Variants in MUC5B observed in about 807,000 individuals in gnomAD.
MUC5B encodes the protein mucin 5B, oligomeric mucus/gel-forming, also known as mucin-5B.
MUC5B carries 116 observed loss-of-function variants against 376.9 expected under a neutral mutation model. The ratio of observed to expected loss-of-function variants is 0.31; its 90% CI spans 0.26 to 0.36. MUC5B has a LOEUF of 0.36. MUC5B is among the 10% of genes least tolerant of loss of function. MUC5B has a pLI of 1.00. For missense variants in MUC5B, 7,165 were observed against 7,769.9 expected (o/e 0.92, Z 2.93); for synonymous variants, 3,517 against 3,390.9 (o/e 1.04, Z -1.29).
rs780671376 is a variant in MUC5B, at chr11:1,250,013, C to G, written c.13133C>G (p.Ser4378Cys). The G allele has an allele frequency of 6.2e-7, 1 of 1,612,456 alleles. No individual in the cohort carries two copies. Among genetic ancestry groups the G allele is most frequent in the South Asian group, 1.1e-5 (1 of 91,042 alleles). The change falls in exon 31 of 49, where the codon TCC (serine) becomes TGC (cysteine). Residue 4378 changes from serine to cysteine, a missense_variant. Physicochemically the swap from Ser to Cys is moderately radical, Grantham distance 112 (BLOSUM62 -1). Coordinates refer to ENST00000529681, the MANE Select transcript of MUC5B (RefSeq NM_002458.3). ...GCCACCACGACAAGGGCCACCAGTT[C>G]CACGTCCACCCCCTCCTCCACTCCG... is the stretch of plus-strand genomic sequence containing the variant. ...TKATTTRATS[S>C]TSTPSSTPGT...
chr11:1,240,936 C>T lies in MUC5B; in HGVS notation c.4056C>T (p.Gly1352=). The change falls in exon 31 of 49, where the codon GGC becomes GGT. Residue 1352 remains glycine, a synonymous_variant. Coordinates refer to ENST00000529681, the MANE Select transcript of MUC5B (RefSeq NM_002458.3). ...SWYNGHRPEP[G]LGGGDFETFE... ...ACAATGGGCACCGCCCAGAGCCCGG[C>T]CTGGGAGGCGGAGACTTTGAGACGT... 1 of 1,613,196 alleles carries T rather than the reference C, an allele frequency of 6.2e-7. No individual in the cohort carries two copies. The highest frequency in any genetic ancestry group is 1.1e-5 in the South Asian group (1 of 91,092).
chr11:1,233,369 T>C lies in MUC5B; in HGVS notation c.2321+101T>C, dbSNP rs2672806. On this transcript the variant is annotated intron_variant, in intron 18 of 48. Coordinates refer to ENST00000529681, the MANE Select transcript of MUC5B (RefSeq NM_002458.3). ...GCCTCCCCCCGAGGGTTCTGAGACA[T>C]GAGGGGCCAGGCTGGGGAGAGTGGG... The C allele has an allele frequency of 0.51, 674,944 of 1,314,940 alleles. 174,916 individuals are homozygous for C. Among genetic ancestry groups the C allele is most frequent in the East Asian group, 0.7 (27,556 of 39,308 alleles). 81.5% of individuals were successfully genotyped at this position (1,314,940 alleles called of 1,614,324 possible). A position where few individuals can be genotyped will look rare whatever the true frequency, so the allele number is the denominator to read the frequency against.
At position 1,229,172 on chromosome 11, in the gene MUC5B, C is replaced by T. The variant is rs559336328; in HGVS notation, c.979C>T (p.Arg327Trp). 1.8e-5 allele frequency: 29 copies of T among 1,591,224 alleles called. No homozygotes were observed. The highest frequency in any genetic ancestry group is 4.5e-5 in the East Asian group (2 of 44,062). The change falls in exon 9 of 49, where the codon CGG (arginine) becomes TGG (tryptophan). Residue 327 changes from arginine to tryptophan, a missense_variant and splice_region_variant. Coordinates refer to ENST00000529681, the MANE Select transcript of MUC5B (RefSeq NM_002458.3). ...CAGCCCCACCTCCTTTTGCGCAGCC[C>T]GGACCTGCCCCCTCAACATGCAGCA... ...RNWRCPELCP[R>W]TCPLNMQHQE...
At chr11:1,240,787 T>C in intron 30 of MUC5B, 64 bp from the exon 31 acceptor site, 8 of 1,463,996 alleles carry the variant, frequency 5.5e-6, no homozygotes, top group Non-Finnish European at 7.3e-6. Flanking sequence ...CTGGGGCCCC[T>C]CCACCTTGTG....
At position 1,245,743 on chromosome 11, in the gene MUC5B, A is replaced by G. The variant is rs766041697; in HGVS notation, c.8863A>G (p.Met2955Val). The G allele has an allele frequency of 6.2e-7, 1 of 1,610,588 alleles. No individual in the cohort carries two copies. Among genetic ancestry groups the G allele is most frequent in the Non-Finnish European group, 8.5e-7 (1 of 1,179,302 alleles). The change falls in exon 31 of 49, where the codon ATG becomes GTG. Residue 2955 changes from methionine to valine, a missense_variant. Physicochemically the swap from Met to Val is conservative, Grantham distance 21 (BLOSUM62 1). This residue lies in a region of MUC5B where 57 missense variants were observed against 167.2 expected (regional missense o/e 0.34). Coordinates refer to ENST00000529681, the MANE Select transcript of MUC5B (RefSeq NM_002458.3). ...RNREQVGKFK[M>V]CFNYEIRVFC... ...CCGTGAGCAGGTGGGGAAGTTCAAG[A>G]TGTGCTTCAACTATGAAATCCGTGT...
At chr11:1,256,348 A>T (rs55908339) in intron 38 of MUC5B, 123 bp downstream of exon 38, 1 of 633,392 alleles carries the variant, frequency 1.6e-6, no homozygotes, top group Non-Finnish European at 2.8e-6. Context: ...GCCCGAGCCC[A>T]GGACTCCTTG....
chr11:1,252,458 G>C lies in MUC5B; in HGVS notation c.14979G>C (p.Val4993=). 6.2e-7 allele frequency: 1 copy of C among 1,609,126 alleles called. No homozygotes were observed. Among genetic ancestry groups the C allele is most frequent in the Non-Finnish European group, 8.5e-7 (1 of 1,177,964 alleles). The change falls in exon 32 of 49, where the codon GTG becomes GTC. Residue 4993 remains valine (V), a synonymous_variant. Transcript: ENST00000529681. ...CCTGTCCCACCTCCCCACCGCCAGT[G>C]TCCTCCGCCCCGCTGTCCTCGCCCT... ...QGACPTSPPP[V]SSAPLSSPSP... is the part of the protein sequence containing the mutation.
rs764191603 is a variant in MUC5B, at chr11:1,244,722, G to A, written c.7842G>A (p.Thr2614=). ...HTTKVLTTTT[T]GFTATPSSSP... ...CCAAAGTGCTGACTACCACAACCAC[G>A]GGCTTCACAGCCACCCCCTCCTCCA... The change falls in exon 31 of 49, where the codon ACG becomes ACA. Residue 2614 remains threonine (T), a synonymous_variant. Transcript: ENST00000529681. 4 of 1,607,008 alleles carry A rather than the reference G, an allele frequency of 2.5e-6. No individual in the cohort carries two copies. The highest frequency in any genetic ancestry group is 2.2e-5 in the East Asian group (1 of 44,604).
In MUC5B at chr11:1,244,580, C is replaced by A. The variant is rs746798331; in HGVS notation, c.7700C>A (p.Pro2567His). 2 of 1,613,490 alleles carry A rather than the reference C, an allele frequency of 1.2e-6. No individual in the cohort carries two copies. Among genetic ancestry groups the A allele is most frequent in the Admixed American group, 3.3e-5 (2 of 59,982 alleles). The change falls in exon 31 of 49, where the codon CCC (proline) becomes CAC (histidine). Residue 2567 changes from proline (P) to histidine (H), a missense_variant. Coordinates refer to ENST00000529681, the MANE Select transcript of MUC5B (RefSeq NM_002458.3). ...TPTATMSTAT[P>H]SSTPETVHTS... ...ACGGCCACCATGTCCACAGCCACACCCTCCTCCACTCCAGAGACTGTCCAC... is the reference window on the plus strand; with the variant it reads ...ACGGCCACCATGTCCACAGCCACACACTCCTCCACTCCAGAGACTGTCCAC...
chr11:1,231,891 G>T, intron 14 of MUC5B, 105 bp from the exon 15 acceptor site: 1 of 1,461,948 alleles, frequency 6.8e-7, no homozygotes, highest in Non-Finnish European at 9.3e-7. Flanking sequence ...CCTGGGACAG[G>T]GCTCCCAGCC....
At chr11:1,235,061 A>G in intron 21 of MUC5B, 24 bp from the exon 22 acceptor site, 1 of 1,600,038 alleles carries the variant, frequency 6.2e-7, no homozygotes, top group Non-Finnish European at 8.5e-7. Flanking sequence ...CCCTGTGAGC[A>G]GGCACCATTG....
In MUC5B at chr11:1,244,371, C is replaced by T. The variant is rs748575312; in HGVS notation, c.7491C>T (p.Ser2497=). ...TQATAGTPHV[S]TTATTPTVTS... is the part of the protein sequence containing the mutation. ...CAACTGCTGGCACCCCACATGTGAG[C>T]ACCACGGCCACGACACCCACAGTCA... Residue 2497 remains serine, a synonymous_variant, in exon 31 of 49, where the codon AGC becomes AGT. Coordinates refer to ENST00000529681, the MANE Select transcript of MUC5B (RefSeq NM_002458.3). The T allele has an allele frequency of 6.3e-7, 1 of 1,594,908 alleles. No individual in the cohort carries two copies.
intron 5 of MUC5B, 53 bp downstream of exon 5, chr11:1,227,198 A>G (rs1861908659): frequency 6.4e-7 from 1 of 1,566,638 alleles, no homozygotes; most frequent in African/African-American, 1.4e-5. Flanking sequence ...CAAAACCCCC[A>G]CCGGGGGTCG....
chr11:1,235,278 A>AG, intron 22 of MUC5B, 25 bp from the exon 23 acceptor site: 1 of 1,610,442 alleles, frequency 6.2e-7, no homozygotes, highest in Non-Finnish European at 8.5e-7. Context: ...GCCCGCGGCC[A>AG]GCAGCTTGTC....
Position 1,233,014 on chromosome 11 carries a change from C to G in MUC5B, c.2067C>G (p.Thr689=), listed in dbSNP as rs1564933921. The G allele has an allele frequency of 6.3e-7, 1 of 1,585,370 alleles. No homozygotes were observed. Among genetic ancestry groups the G allele is most frequent in the Non-Finnish European group, 8.5e-7 (1 of 1,169,956 alleles). The change falls in exon 18 of 49, where the codon ACC becomes ACG. Residue 689 remains threonine (T), a splice_region_variant and synonymous_variant. Transcript: ENST00000529681. ...QLSDWRDGVC[T]KYMQNCPKSQ... Reference sequence around the variant, plus strand: ...CCCCCCTGGCCCCACCGACCACAGCCAAGTACATGCAGAACTGCCCCAAGT... The same window carrying G: ...CCCCCCTGGCCCCACCGACCACAGCGAAGTACATGCAGAACTGCCCCAAGT...
Position 1,251,635 on chromosome 11 carries a change from T to C in MUC5B, c.14755T>C (p.Ser4919Pro), listed in dbSNP as rs1303084995. The C allele has an allele frequency of 6.2e-7, 1 of 1,613,086 alleles. No homozygotes were observed. Among genetic ancestry groups the C allele is most frequent in the South Asian group, 1.1e-5 (1 of 91,080 alleles). ...CAGCAGCCTGCCAACCTTCAGCGTG[T>C]CCACTGTGTCCTCCTCAGTCCTCAC... is the stretch of plus-strand genomic sequence containing the variant. ...LPSSLPTFSVSTVSSSVLTTL... is the reference protein window; with the variant it reads ...LPSSLPTFSVPTVSSSVLTTL... The change falls in exon 31 of 49, where the codon TCC (serine) becomes CCC (proline). Residue 4919 changes from serine (S) to proline (P), a missense_variant. Transcript: ENST00000529681.
Position 1,246,101 on chromosome 11 carries a change from T to G in MUC5B, c.9221T>G (p.Leu3074Arg). The change falls in exon 31 of 49, where the codon CTT becomes CGT. Residue 3074 changes from leucine (L) to arginine (R), a missense_variant. Transcript: ENST00000529681. ...TSFTPIPSFT[L>R]GTTGTLPEQT... ...TTTACACCCATCCCCTCCTTCACCC[T>G]TGGGACCACCGGGACCCTCCCAGAA... 6.2e-7 allele frequency: 1 copy of G among 1,610,636 alleles called. No individual in the cohort carries two copies. The highest frequency in any genetic ancestry group is 8.5e-7 in the Non-Finnish European group (1 of 1,178,890).
chr11:1,252,233 C>T (rs1328566911), intron 31 of MUC5B, 110 bp from the exon 32 acceptor site: 1 of 1,113,818 alleles, frequency 9.0e-7, no homozygotes, highest in African/African-American at 1.6e-5. Flanking sequence ...CCACTCCCTT[C>T]CCTGGAACCG....
rs535860577 is a variant in MUC5B at position 1,258,503 on chromosome 11, G to T, written c.16593+136G>T. 3.8e-6 allele frequency: 4 copies of T among 1,052,312 alleles called. No individual in the cohort carries two copies. The highest frequency in any genetic ancestry group is 5.4e-6 in the Non-Finnish European group (4 of 737,444). 65.2% of individuals were successfully genotyped at this position (1,052,312 alleles called of 1,614,324 possible). A position where few individuals can be genotyped will look rare whatever the true frequency, so the allele number is the denominator to read the frequency against. ...CGATCCGCACAGGGGCCCTGGACAC[G>T]TCAGAGCTGGGACATGCTTGGGACT... On this transcript the variant is annotated intron_variant, in intron 43 of 48. Transcript: ENST00000529681. This position sits in a 1 kb window ranked among gnomAD's most constrained non-coding sequence, Gnocchi z 5.5.
Sources: allele counts gnomAD v4.1 joint callset, GRCh38; gene constraint gnomAD v4.1.1; regional missense constraint gnomAD v4.1.1; non-coding constraint Gnocchi (gnomAD v3.1); transcripts MANE v1.5; gene names NCBI Gene and HGNC (gene_info 2026-07-23, HGNC 2026-07-21).